MYO3B: variants seen among roughly 807,000 people sequenced by gnomAD.
The protein encoded by MYO3B is myosin-IIIb.
MYO3B carries 156 observed loss-of-function variants against 174.6 expected under a neutral mutation model. The ratio of observed to expected loss-of-function variants is 0.89; its 90% CI spans 0.78 to 1.02. The LOEUF is 1.02. Among genes scored for constraint, MYO3B ranks in the 50% least tolerant of loss-of-function variants. The pLI, the probability that MYO3B is intolerant of heterozygous loss-of-function variation, is 0.00. For synonymous variants in MYO3B, 563 were observed against 569.1 expected (o/e 0.99, Z 0.15); for missense variants, 1,632 against 1,639.4 (o/e 1.00, Z 0.08).
At chr2:170,441,878 T>C (rs1021773207) in intron 22 of MYO3B, among the ~76,000 whole-genome samples, 2 of 152,222 alleles carry the variant, frequency 1.3e-5, no homozygotes, top group African/African-American at 2.4e-5. Context: ...ACCTGTTTTA[T>C]CAGCAAGGTG....
At chr2:170,272,035 T>G (rs570308524) in intron 7 of MYO3B, among the ~76,000 whole-genome samples, 2 of 152,154 alleles carry the variant, frequency 1.3e-5, no homozygotes, top group Admixed American at 6.6e-5. Context: ...ATCTTACTGC[T>G]TCTAACCCAG....
In MYO3B at chr2:170,444,020, C is replaced by T. The variant is rs1359570233; in HGVS notation, c.2704C>T (p.Pro902Ser). The change falls in exon 23 of 35, where the codon CCA becomes TCA. Residue 902 changes from proline to serine, a missense_variant. Transcript: ENST00000408978. ...AACAGTGGCCTCAAGTTCTTTGCCT[C>T]CACATTTCAGTGCTGGGAAAGCCAA... is the stretch of plus-strand genomic sequence containing the variant. Reference protein sequence around the residue: ...RITVASSSLPPHFSAGKAKVD... With the variant: ...RITVASSSLPSHFSAGKAKVD... 2 of 1,613,402 alleles carry T rather than the reference C, an allele frequency of 1.2e-6. No individual in the cohort carries two copies. The highest frequency in any genetic ancestry group is 2.2e-5 in the East Asian group (1 of 44,866).
chr2:170,272,627 C>T (rs2093433683), intron 7 of MYO3B, among the ~76,000 whole-genome samples: 1 of 152,056 alleles, frequency 6.6e-6, no homozygotes, highest in Non-Finnish European at 1.5e-5. Flanking sequence ...CTCCCAAAAA[C>T]CATGTGTTGA....
intron 32 of MYO3B, among the ~76,000 whole-genome samples, chr2:170,626,468 T>C (rs1387522004): frequency 6.6e-6 from 1 of 152,252 alleles, no homozygotes; most frequent in Non-Finnish European, 1.5e-5. Context: ...ATGGGTTTCC[T>C]GAATACAGCA....
chr2:170,514,176 T>A (rs532797949), intron 28 of MYO3B, among the ~76,000 whole-genome samples: 30 of 152,284 alleles, frequency 2.0e-4, no homozygotes, highest in African/African-American at 7.2e-4. Context: ...GAACCTGCCT[T>A]CTCCAGATAT....
In MYO3B at chr2:170,369,349, A is replaced by G. The variant is rs1194269848; in HGVS notation, c.943A>G (p.Lys315Glu). The change falls in exon 9 of 35, where the codon AAG becomes GAG. Residue 315 changes from lysine to glutamate, a missense_variant. Physicochemically the swap from Lys to Glu is moderately conservative, Grantham distance 56. Coordinates refer to ENST00000408978, the MANE Select transcript of MYO3B (RefSeq NM_138995.5). ...GCTGGCCAAGGTTCTCCAAGACCAG[A>G]AGCATCAAAATCCTGTTGCTAAAAC... The part of the protein sequence containing the change: ...KQLAKVLQDQ[K>E]HQNPVAKTRH... 2 of 1,613,364 alleles carry G rather than the reference A, an allele frequency of 1.2e-6. No individual in the cohort carries two copies. Among genetic ancestry groups the G allele is most frequent in the South Asian group, 2.2e-5 (2 of 90,956 alleles).
intron 25 of MYO3B, among the ~76,000 whole-genome samples, chr2:170,471,657 T>C (rs1213549438): frequency 6.6e-6 from 1 of 152,150 alleles, no homozygotes; most frequent in Non-Finnish European, 1.5e-5. Context: ...AAAATACTGT[T>C]ATTTCCTCCC....
chr2:170,278,669 A>G (rs2093481489), intron 7 of MYO3B, among the ~76,000 whole-genome samples: 1 of 152,100 alleles, frequency 6.6e-6, no homozygotes, highest in Non-Finnish European at 1.5e-5. Context: ...CACTAAATTT[A>G]GTAACCCTAC....
chr2:170,493,117 AC>A (rs1475348063), intron 25 of MYO3B, among the ~76,000 whole-genome samples: 3 of 152,228 alleles, frequency 2.0e-5, no homozygotes, highest in African/African-American at 7.2e-5. Context: ...TACATTCCAA[AC>A]AATAGCATTT....
At chr2:170,449,048 C>T (rs1222290274) in intron 23 of MYO3B, among the ~76,000 whole-genome samples, 1 of 152,146 alleles carries the variant, frequency 6.6e-6, no homozygotes, top group Non-Finnish European at 1.5e-5. Flanking sequence ...TTATGTATGC[C>T]TGCAAACACC....
rs374793000 is a variant in MYO3B at position 170,463,443 on chromosome 2, C to T, written c.2806C>T (p.Arg936Trp). Residue 936 changes from arginine (R) to tryptophan (W), a missense_variant and splice_region_variant, in exon 24 of 35, where the codon CGG becomes TGG. Coordinates refer to ENST00000408978, the MANE Select transcript of MYO3B (RefSeq NM_138995.5). The stretch of plus-strand genomic sequence containing the variant: ...GAGGCAAACTGTGGCTTCTTACTTC[C>T]GGGTATGGAGTCTTCTTGATCTCTA... ...MKRQTVASYF[R>W]YSLMDLLSKM... 1.3e-4 allele frequency: 212 copies of T among 1,613,620 alleles called. No individual in the cohort carries two copies. Among genetic ancestry groups the T allele is most frequent in the East Asian group, 4.0e-4 (18 of 44,878 alleles).
rs200423361 is a variant in MYO3B at position 170,596,192 on chromosome 2, G to GA, written c.3733+52212dup. Among the ~76,000 whole-genome samples the GA allele has an allele frequency of 6.9e-4, 105 of 152,100 alleles. 1 individual carries two copies. The highest frequency in any genetic ancestry group is 2.1e-3 in the African/African-American group (89 of 41,516). On this transcript the variant is annotated intron_variant, in intron 32 of 34. Transcript: ENST00000408978. Reference sequence around the variant, plus strand: ...GAGTAAGTTAATTTCTGGCCAAAAGGAAAAAAAATTTGAAGTACTAATTAG... The same window carrying GA: ...GAGTAAGTTAATTTCTGGCCAAAAGGAAAAAAAAATTTGAAGTACTAATTAG...
intron 32 of MYO3B, among the ~76,000 whole-genome samples, chr2:170,573,836 C>T (rs528468264): frequency 1.8e-4 from 28 of 152,244 alleles, no homozygotes; most frequent in Non-Finnish European, 3.4e-4. Context: ...ACCATAGTTG[C>T]CTTTTTCCCT....
At position 170,435,902 on chromosome 2, in the gene MYO3B, G is replaced by A. The variant is rs537352838; in HGVS notation, c.2651-8065G>A. Among the ~76,000 whole-genome samples, 16 of 152,280 alleles carry A rather than the reference G, an allele frequency of 1.1e-4. No homozygotes were observed. In the South Asian group the frequency reaches 2.9e-3, roughly 28 times the overall value. On this transcript the variant is annotated intron_variant, in intron 22 of 34. Transcript: ENST00000408978. ...TTTAATACAACAACCTGTCCTTTGGGGCAGTTAGTAAAAGATGACTACAGG... is the reference window on the plus strand; with the variant it reads ...TTTAATACAACAACCTGTCCTTTGGAGCAGTTAGTAAAAGATGACTACAGG...
At chr2:170,625,102 C>T (rs998767456) in intron 32 of MYO3B, among the ~76,000 whole-genome samples, 6 of 152,296 alleles carry the variant, frequency 3.9e-5, no homozygotes, top group Admixed American at 2.0e-4. Flanking sequence ...GGGAGGATTT[C>T]GTCTTTTTCC....
chr2:170,509,071 T>G (rs1687801613), intron 28 of MYO3B, among the ~76,000 whole-genome samples: 3 of 152,260 alleles, frequency 2.0e-5, no homozygotes, highest in African/African-American at 7.2e-5. Context: ...ATGCTGTAAC[T>G]TCAGGCCGGG....
intron 32 of MYO3B, chr2:170,601,922 A>G (rs1335236078): frequency 4.7e-6 from 4 of 844,916 alleles, no homozygotes; most frequent in African/African-American, 1.7e-5. Flanking sequence ...CAGAACAGCA[A>G]AAAGGCCGAA....
intron 3 of MYO3B, among the ~76,000 whole-genome samples, chr2:170,200,744 C>G (rs1200536089): frequency 6.6e-6 from 1 of 152,112 alleles, no homozygotes; most frequent in East Asian, 1.9e-4. Context: ...TTGCAGAGTT[C>G]TTAGCGGAGG....
chr2:170,407,942 T>A (rs987656020), intron 22 of MYO3B, 98 bp downstream of exon 22: 2 of 1,421,886 alleles, frequency 1.4e-6, no homozygotes, highest in Admixed American at 1.9e-5. Flanking sequence ...GCTGCACCGC[T>A]AACATTGAAC....
Sources: gnomAD v4.1 joint callset for allele counts (sites outside exome capture counted in the v4.1 genomes callset) on GRCh38, gnomAD v4.1.1 for gene constraint, MANE v1.5 for transcripts, NCBI Gene and HGNC (gene_info 2026-07-23, HGNC 2026-07-21) for gene names.